ANO7: variants seen among roughly 807,000 people sequenced by gnomAD.
ANO7 encodes anoctamin 7, also known as anoctamin-7.
Under a neutral mutation model 115.8 loss-of-function variants are expected in ANO7, and 114 were observed. The observed-to-expected ratio is 0.98, with a 90% CI of 0.85 to 1.15. ANO7 has a LOEUF of 1.15. Ranked by LOEUF, ANO7 falls within the 50% of genes most tolerant of loss-of-function variation. The pLI is 0.00. For missense variants in ANO7, 1,302 were observed against 1,201.2 expected (o/e 1.08, Z -1.24); for synonymous variants, 550 against 498.2 (o/e 1.10, Z -1.38).
chr2:241,235,057 T>G, the ANO7 span: 29 of 1,580,806 alleles, frequency 1.8e-5, no homozygotes, highest in African/African-American at 2.8e-4. Flanking sequence ...TTCCCTAGAT[T>G]CTGACATGTG....
intron 17 of ANO7, among the ~76,000 whole-genome samples, chr2:241,213,222 GCCT>G (rs2068756192): frequency 6.6e-6 from 1 of 151,448 alleles, no homozygotes; most frequent in African/African-American, 2.5e-5. Flanking sequence ...GCAGGGGCTG[GCCT>G]CCTCATGGCA....
chr2:241,201,258 AG>A, intron 6 of ANO7, 39 bp from the exon 7 acceptor site: 1 of 1,604,656 alleles, frequency 6.2e-7, no homozygotes, highest in Non-Finnish European at 8.5e-7. Flanking sequence ...ACATGCCCAC[AG>A]CTTCCTCCAA....
intron 21 of ANO7, among the ~76,000 whole-genome samples, chr2:241,221,368 T>G (rs1269155087): frequency 6.6e-6 from 1 of 151,676 alleles, no homozygotes; most frequent in African/African-American, 2.4e-5. Context: ...GAGCCACCTT[T>G]CACGCCCGTC....
At chr2:241,239,109 A>G in the ANO7 span, among the ~76,000 whole-genome samples, 2 of 152,266 alleles carry the variant, frequency 1.3e-5, no homozygotes, top group East Asian at 3.9e-4. This position sits in a 1 kb window ranked among gnomAD's most constrained non-coding sequence, Gnocchi z 4.6. Context: ...TATTAGGGAA[A>G]GGGAATCCAA....
intron 21 of ANO7, 94 bp downstream of exon 21, chr2:241,218,475 G>A: frequency 1.7e-6 from 2 of 1,162,536 alleles, no homozygotes; most frequent in Non-Finnish European, 2.1e-6. Context: ...TGGGGAGCCG[G>A]GAGGGGCGGG....
downstream of ANO7, chr2:241,230,673 A>T (rs2069633602): frequency 8.7e-7 from 1 of 1,151,518 alleles, no homozygotes; most frequent in East Asian, 2.5e-5. This position sits in a 1 kb window ranked among gnomAD's most constrained non-coding sequence, Gnocchi z 5.0. Flanking sequence ...TCTTGAGGGG[A>T]AGGCCATGCC....
At chr2:241,233,338 C>T in the ANO7 span, among the ~76,000 whole-genome samples, 1 of 152,118 alleles carries the variant, frequency 6.6e-6, no homozygotes, top group Non-Finnish European at 1.5e-5. The surrounding 1 kb of genome is among the most constrained non-coding windows in gnomAD (Gnocchi z 4.3). Context: ...GGGCCAGTGG[C>T]AGGGGGGTGG....
At chr2:241,209,770 G>A (rs1170002257) in intron 13 of ANO7, 135 bp downstream of exon 13, 5 of 1,279,016 alleles carry the variant, frequency 3.9e-6, no homozygotes, top group Non-Finnish European at 5.2e-6. Flanking sequence ...CCGCAGAGAG[G>A]CCCCCATGTG....
At position 241,214,407 on chromosome 2, in the gene ANO7, C is replaced by G. The variant is rs183894011; in HGVS notation, c.1729-398C>G. Among the ~76,000 whole-genome samples, 4 of 152,336 alleles carry G rather than the reference C, an allele frequency of 2.6e-5. No individual in the cohort carries two copies. In the East Asian group the frequency reaches 7.7e-4, roughly 29 times the overall value. On this transcript the variant is annotated intron_variant, in intron 17 of 24. Transcript: ENST00000674324. ...GGCCGACACTCTCGGACTTAGCACC[C>G]CTTGCAAGGCACGTGTTCCCAGGAA...
At chr2:241,238,326 G>T in the ANO7 span, 1 of 193,674 alleles carries the variant, frequency 5.2e-6, no homozygotes, top group South Asian at 1.9e-4. The surrounding 1 kb of genome is among the most constrained non-coding windows in gnomAD (Gnocchi z 4.9). Flanking sequence ...CGGGGCTCAT[G>T]CGATCCAAAC....
In ANO7 at chr2:241,207,778, T is replaced by A; in HGVS notation, c.1077+108T>A. On this transcript the variant is annotated intron_variant, in intron 11 of 24. Coordinates refer to ENST00000674324, the MANE Select transcript of ANO7 (RefSeq NM_001370694.2). ...CCTGCACCAGCCCCTGTCCTGCTTG[T>A]CACCAGCTAAAGGCAGAACGCTCCA... is the stretch of plus-strand genomic sequence containing the variant. 2.9e-6 allele frequency: 3 copies of A among 1,038,152 alleles called. No homozygotes were observed. The South Asian group carries it at 3.9e-5, about 14-fold the overall frequency. 64.3% of individuals were successfully genotyped at this position (1,038,152 alleles called of 1,614,324 possible).
chr2:241,233,310 T>C, the ANO7 span, among the ~76,000 whole-genome samples: 1 of 151,850 alleles, frequency 6.6e-6, no homozygotes, highest in African/African-American at 2.4e-5. This position sits in a 1 kb window ranked among gnomAD's most constrained non-coding sequence, Gnocchi z 4.3. Flanking sequence ...TTGTTCTGAG[T>C]GAAGCAGGAG....
At position 241,224,308 on chromosome 2, in the gene ANO7, C is replaced by A; in HGVS notation, c.*155C>A. ...CACATTGCCTGCTTCCCCCCAGCGC[C>A]GGCTTCTCTCCTCAGAGCGCCTGTC... On this transcript the variant is annotated 3_prime_UTR_variant, in exon 25 of 25. Coordinates refer to ENST00000674324, the MANE Select transcript of ANO7 (RefSeq NM_001370694.2). 1 of 813,990 alleles carries A rather than the reference C, an allele frequency of 1.2e-6. No homozygotes were observed. The highest frequency in any genetic ancestry group is 1.9e-6 in the Non-Finnish European group (1 of 522,834). 50.4% of individuals were successfully genotyped at this position (813,990 alleles called of 1,614,324 possible).
At chr2:241,215,173 G>T (rs1441633947) in intron 18 of ANO7, among the ~76,000 whole-genome samples, 1 of 152,250 alleles carries the variant, frequency 6.6e-6, no homozygotes, top group East Asian at 1.9e-4. Context: ...AGGGGGTCTG[G>T]GCTCCTGGAC....
At chr2:241,236,556 C>T in the ANO7 span, 2 of 1,576,144 alleles carry the variant, frequency 1.3e-6, no homozygotes, top group Non-Finnish European at 1.7e-6. Flanking sequence ...CACGCGTCTC[C>T]CCAGGTGCCT....
chr2:241,203,050 C>T lies in ANO7; in HGVS notation c.724-283C>T, dbSNP rs11884539. On this transcript the variant is annotated intron_variant, in intron 8 of 24. Coordinates refer to ENST00000674324, the MANE Select transcript of ANO7 (RefSeq NM_001370694.2). This position sits in a 1 kb window ranked among gnomAD's most constrained non-coding sequence, Gnocchi z 4.8. ...GAGAAGGTGCTGGACCCTGGACCAC[C>T]GCCACTGGCTTCTCTCAGGGTGGCC... 6.4e-3 allele frequency among the ~76,000 whole-genome samples: 971 copies of T among 152,228 alleles called. 10 individuals carry two copies. The highest frequency in any genetic ancestry group is 0.022 in the African/African-American group (925 of 41,540).
At chr2:241,205,568 T>G (rs147621573) in intron 10 of ANO7, among the ~76,000 whole-genome samples, 636 of 50,406 alleles carry the variant, frequency 0.013, 84 homozygotes, top group East Asian at 0.089. Context: ...GTGCTCCCAG[T>G]CTGACAGGTG....
downstream of ANO7, chr2:241,227,820 C>T (rs1219420981): frequency 1.3e-5 from 2 of 150,648 alleles, no homozygotes; most frequent in African/African-American, 2.5e-5. Context: ...GGTGACAGCC[C>T]TTCCCCACTG....
At chr2:241,218,435 C>A in intron 21 of ANO7, 54 bp downstream of exon 21, 2 of 1,054,778 alleles carry the variant, frequency 1.9e-6, no homozygotes, top group Non-Finnish European at 2.3e-6. Flanking sequence ...CGAGGCGGAG[C>A]GGGGCTCGGG....
Sources: gnomAD v4.1 joint callset for allele counts (sites outside exome capture counted in the v4.1 genomes callset) on GRCh38, gnomAD v4.1.1 for gene constraint, Gnocchi (gnomAD v3.1) non-coding constraint, MANE v1.5 for transcripts, NCBI Gene and HGNC (gene_info 2026-07-23, HGNC 2026-07-21) for gene names.